TRANK1: variants seen among roughly 807,000 people sequenced by gnomAD.
TRANK1 encodes the protein TPR and ankyrin repeat-containing protein 1.
A neutral mutation model predicts 266.0 loss-of-function variants in TRANK1; 198 were observed. The observed-to-expected ratio is 0.74, with a 90% CI of 0.66 to 0.84. The LOEUF (loss-of-function observed/expected upper bound fraction) is 0.84, where lower values mean the gene tolerates loss of function less well. Ranked by LOEUF, TRANK1 falls within the 40% of genes least tolerant of loss-of-function variation. The pLI, the probability that TRANK1 is intolerant of heterozygous loss-of-function variation, is 0.00. For missense variants in TRANK1, 3,326 were observed against 3,634.6 expected (o/e 0.92, Z 2.18); for synonymous variants, 1,396 against 1,384.1 (o/e 1.01, Z -0.19).
intron 7 of TRANK1, among the ~76,000 whole-genome samples, chr3:36,891,447 C>A (rs1013366173): frequency 6.6e-6 from 1 of 152,128 alleles, no homozygotes; most frequent in Non-Finnish European, 1.5e-5. Context: ...CCCATGGCCA[C>A]CTCCCACACC....
At chr3:36,834,052 C>G in intron 21 of TRANK1, 133 bp from the exon 22 acceptor site, 1 of 846,902 alleles carries the variant, frequency 1.2e-6, no homozygotes, top group Non-Finnish European at 1.7e-6. Flanking sequence ...CTAAACTTGT[C>G]AAGCATTCAA....
intron 1 of TRANK1, chr3:36,908,702 A>T: frequency 1.1e-6 from 1 of 904,016 alleles, no homozygotes; most frequent in Non-Finnish European, 1.3e-6. Context: ...AGCATTAATG[A>T]TCTGGAGGAG....
At chr3:36,851,479 G>T in intron 15 of TRANK1, 1 of 1,246,530 alleles carries the variant, frequency 8.0e-7, no homozygotes. Context: ...GTACTAGAGA[G>T]CCAAAGAAGG....
intron 10 of TRANK1, 116 bp from the exon 11 acceptor site, chr3:36,861,276 G>A (rs1276521787): frequency 1.1e-5 from 14 of 1,289,412 alleles, no homozygotes; most frequent in Non-Finnish European, 1.4e-5. Flanking sequence ...ACAAGTAGTT[G>A]ATTATTTGGG....
At chr3:36,879,833 AATAT>A (rs1559448942) in intron 8 of TRANK1, among the ~76,000 whole-genome samples, 6 of 115,624 alleles carry the variant, frequency 5.2e-5, no homozygotes, top group South Asian at 2.5e-4. Flanking sequence ...AATATATGTA[AATAT>A]ACAAATATAT....
chr3:36,852,280 G>A lies in TRANK1; in HGVS notation c.4615C>T (p.Arg1539Cys), dbSNP rs566229516. ...LQFYFPESFD[R>C]LPRDSGLFDG... ...AAGAGGCCAGAATCCCTTGGAAGGCGATCAAAAGATTCTGGGAAATAGAAC... is the reference window on the plus strand; with the variant it reads ...AAGAGGCCAGAATCCCTTGGAAGGCAATCAAAAGATTCTGGGAAATAGAAC... Residue 1539 changes from arginine (R) to cysteine (C), a missense_variant, in exon 14 of 24, where the codon CGC (arginine) becomes TGC (cysteine). Coordinates refer to ENST00000645898, the MANE Select transcript of TRANK1 (RefSeq NM_001329998.2). 1.3e-5 allele frequency: 21 copies of A among 1,612,218 alleles called. No homozygotes were observed. The highest frequency in any genetic ancestry group is 5.5e-5 in the South Asian group (5 of 90,686).
intron 1 of TRANK1, among the ~76,000 whole-genome samples, chr3:36,923,082 A>T (rs987823605): frequency 6.6e-6 from 1 of 152,164 alleles, no homozygotes; most frequent in Admixed American, 6.5e-5. Flanking sequence ...GTGTTTTATC[A>T]GCACTGCACG....
rs2078694826 is a variant in TRANK1, at chr3:36,831,583, TC to T, written c.7999del (p.Glu2667ArgfsTer4). The T allele has an allele frequency of 6.2e-7, 1 of 1,613,700 alleles. No homozygotes were observed. The highest frequency in any genetic ancestry group is 8.5e-7 in the Non-Finnish European group (1 of 1,179,736). ...GSIVRGLYYEEVRLNRLLCLD... is the reference protein window; with the variant it reads ...GSIVRGLYYEXVRLNRLLCLD... Reference sequence around the variant, plus strand: ...ACAGAGCAGGCGGTTTAGTCTGACCTCCTCATAATAGAGGCCACGGACTATG... The same window carrying T: ...ACAGAGCAGGCGGTTTAGTCTGACCTCTCATAATAGAGGCCACGGACTATG... On this transcript the variant is annotated frameshift_variant, in exon 22 of 24. Coordinates refer to ENST00000645898, the MANE Select transcript of TRANK1 (RefSeq NM_001329998.2). LOFTEE classifies it high-confidence loss of function. The surrounding 1 kb of genome is among the most constrained non-coding windows in gnomAD (Gnocchi z 5.0).
rs553269795 is a variant in TRANK1, at chr3:36,831,943, G to A, written c.7640C>T (p.Ala2547Val). The A allele has an allele frequency of 1.2e-6, 2 of 1,614,034 alleles. No individual in the cohort carries two copies. The highest frequency in any genetic ancestry group is 1.3e-5 in the African/African-American group (1 of 75,052). ...GACCACATAGTCTATTTCACTGAAG[G>A]CATCAAGCAGGACGTTGAAGTTCAC... ...ENVNFNVLLD[A>V]FSEIDYVVSG... Residue 2547 changes from alanine to valine, a missense_variant, in exon 22 of 24, where the codon GCC (alanine) becomes GTC (valine). Ala to Val is a moderately conservative substitution (Grantham distance 64). Transcript: ENST00000645898. This position sits in a 1 kb window ranked among gnomAD's most constrained non-coding sequence, Gnocchi z 5.0.
intron 5 of TRANK1, among the ~76,000 whole-genome samples, chr3:36,894,265 C>G (rs1008414673): frequency 3.3e-5 from 5 of 152,214 alleles, no homozygotes; most frequent in African/African-American, 1.2e-4. Context: ...CCACCCCACA[C>G]TGGGAAGAGA....
chr3:36,870,278 A>T (rs935030176), intron 9 of TRANK1, among the ~76,000 whole-genome samples: 2 of 152,212 alleles, frequency 1.3e-5, no homozygotes, highest in African/African-American at 4.8e-5. Context: ...ATGGTGATGC[A>T]TGCCTGTAAT....
chr3:36,883,845 A>T (rs1219555914), intron 8 of TRANK1, among the ~76,000 whole-genome samples: 1 of 152,262 alleles, frequency 6.6e-6, no homozygotes, highest in Non-Finnish European at 1.5e-5. Context: ...GAATACAAAC[A>T]CTAAAAAAAT....
In TRANK1 at chr3:36,892,992, G is replaced by A. The variant is rs900337015; in HGVS notation, c.553-8C>T. ...TGACAGAAGCAGAAATGACTGGTGGGAGAAGACAGAAAAGGCTGGAATAAT... is the reference window on the plus strand; with the variant it reads ...TGACAGAAGCAGAAATGACTGGTGGAAGAAGACAGAAAAGGCTGGAATAAT... On this transcript the variant is annotated splice_region_variant and splice_polypyrimidine_tract_variant and intron_variant, in intron 5 of 23. Coordinates refer to ENST00000645898, the MANE Select transcript of TRANK1 (RefSeq NM_001329998.2). 4.0e-6 allele frequency: 6 copies of A among 1,481,598 alleles called. No homozygotes were observed. The highest frequency in any genetic ancestry group is 1.4e-5 in the African/African-American group (1 of 70,164). 91.8% of individuals were successfully genotyped at this position (1,481,598 alleles called of 1,614,324 possible). A position where few individuals can be genotyped will look rare whatever the true frequency, so the allele number is the denominator to read the frequency against.
Position 36,864,596 on chromosome 3 carries a change from T to C in TRANK1, c.1079-116A>G, listed in dbSNP as rs115142225. 977 of 952,052 alleles carry C rather than the reference T, an allele frequency of 1.0e-3. 7 individuals are homozygous for C. The African/African-American group carries it at 0.015, about 14-fold the overall frequency. The allele number at this position is 952,052 out of a possible 1,614,324, so 59.0% of individuals were successfully genotyped here. The stretch of plus-strand genomic sequence containing the variant: ...TACTCACATGCTGTGCAGTGTGACT[T>C]GCTGCTCCTCTCATCAAGAAGTGGA... On this transcript the variant is annotated intron_variant, in intron 9 of 23. Coordinates refer to ENST00000645898, the MANE Select transcript of TRANK1 (RefSeq NM_001329998.2).
rs115674272 is a variant in TRANK1, at chr3:36,838,405, C to T, written c.5484G>A (p.Gln1828=). ...GCCTCTCGCACAGCTGGGCAGAGAG[C>T]TGGAACTCCTTGGCATAGCTCAGAC... is the stretch of plus-strand genomic sequence containing the variant. The part of the protein sequence containing the change: ...LKCLSYAKEF[Q]LSAQLCERLG... Residue 1828 remains glutamine, a synonymous_variant, in exon 20 of 24, where the codon CAG becomes CAA. Coordinates refer to ENST00000645898, the MANE Select transcript of TRANK1 (RefSeq NM_001329998.2). 8.0e-4 allele frequency: 1,286 copies of T among 1,614,038 alleles called. 10 individuals are homozygous for T. The African/African-American group carries it at 0.015, about 19-fold the overall frequency.
chr3:36,914,325 G>T (rs1224856591), intron 1 of TRANK1, among the ~76,000 whole-genome samples: 1 of 151,756 alleles, frequency 6.6e-6, no homozygotes, highest in East Asian at 1.9e-4. Context: ...GTAGAGACAG[G>T]GTTTTCACCA....
chr3:36,836,507 C>A (rs1023245732), intron 20 of TRANK1, among the ~76,000 whole-genome samples: 3 of 152,138 alleles, frequency 2.0e-5, no homozygotes, highest in African/African-American at 7.2e-5. Context: ...ATAGAAGACA[C>A]CACTATTCAT....
At chr3:36,855,077 T>G (rs1291918576) in intron 13 of TRANK1, 96 bp downstream of exon 13, 1 of 1,111,768 alleles carries the variant, frequency 9.0e-7, no homozygotes, top group African/African-American at 1.6e-5. Context: ...TTACTTCAGC[T>G]GTAAAAACCT....
intron 9 of TRANK1, among the ~76,000 whole-genome samples, chr3:36,865,956 G>C (rs970270339): frequency 6.7e-6 from 1 of 149,870 alleles, no homozygotes; most frequent in African/African-American, 2.5e-5. Context: ...GAGAGAGAGA[G>C]ACAGAGAGAG....
Sources: gnomAD v4.1 joint callset for allele counts (sites outside exome capture counted in the v4.1 genomes callset) on GRCh38, gnomAD v4.1.1 for gene constraint, Gnocchi (gnomAD v3.1) non-coding constraint, MANE v1.5 for transcripts, NCBI Gene and HGNC (gene_info 2026-07-23, HGNC 2026-07-21) for gene names.